The following SORBS2 variants were observed in gnomAD, a reference collection of about 807,000 sequenced individuals.
SORBS2 encodes the protein sorbin and SH3 domain containing 2.
Under a neutral mutation model 97.7 loss-of-function variants are expected in SORBS2, and 46 were observed. That is an observed-to-expected ratio of 0.47 (90% CI 0.37 to 0.60). The LOEUF (loss-of-function observed/expected upper bound fraction) is 0.60, where lower values mean the gene tolerates loss of function less well. Ranked by LOEUF, SORBS2 falls within the 20% of genes least tolerant of loss-of-function variation. SORBS2 has a pLI of 0.00. For synonymous variants in SORBS2, 476 were observed against 473.4 expected (o/e 1.01, Z -0.07); for missense variants, 1,316 against 1,282.3 (o/e 1.03, Z -0.40).
At chr4:185,906,421 C>T (rs1488271362) in intron 1 of SORBS2, among the ~76,000 whole-genome samples, 1 of 152,140 alleles carries the variant, frequency 6.6e-6, no homozygotes, top group African/African-American at 2.4e-5. Context: ...TTATTTATTT[C>T]TCAAAGTTTT....
chr4:185,701,880 C>T (rs1289399308), intron 2 of SORBS2, among the ~76,000 whole-genome samples: 1 of 152,058 alleles, frequency 6.6e-6, no homozygotes, highest in African/African-American at 2.4e-5. Context: ...AAGTGATTCC[C>T]CTGCCTCAGC....
At chr4:185,707,874 C>T (rs1257573983) in intron 2 of SORBS2, among the ~76,000 whole-genome samples, 1 of 152,170 alleles carries the variant, frequency 6.6e-6, no homozygotes, top group Non-Finnish European at 1.5e-5. Context: ...CACTTACCTC[C>T]CACCGGATCC....
intron 1 of SORBS2, among the ~76,000 whole-genome samples, chr4:185,930,248 A>C (rs1171382409): frequency 3.3e-5 from 5 of 152,286 alleles, no homozygotes; most frequent in African/African-American, 1.2e-4. Context: ...GTTAGTGAAT[A>C]AAACTTGTAT....
Position 185,606,998 on chromosome 4 carries a change from G to C in SORBS2, c.2796+4782C>G. 1 of 1,002,498 alleles carries C rather than the reference G, an allele frequency of 1.0e-6. No homozygotes were observed. The highest frequency in any genetic ancestry group is 1.2e-6 in the Non-Finnish European group (1 of 840,018). The allele number at this position is 1,002,498 out of a possible 1,614,324, so 62.1% of individuals were successfully genotyped here. ...CTGGGATCCTGAAGAGGCTCTGCAT[G>C]GTAAGGCTGGGCTGCAGCCGAGGCC... is the stretch of plus-strand genomic sequence containing the variant. On this transcript the variant is annotated intron_variant, in intron 12 of 14. Coordinates refer to ENST00000418609, the Ensembl canonical transcript of SORBS2. The surrounding 1 kb of genome is among the most constrained non-coding windows in gnomAD (Gnocchi z 4.3).
chr4:185,904,896 G>A (rs947510548), intron 1 of SORBS2, among the ~76,000 whole-genome samples: 1 of 152,082 alleles, frequency 6.6e-6, no homozygotes, highest in African/African-American at 2.4e-5. Context: ...CCTGAGGTCG[G>A]GGGTTCGAGA....
intron 1 of SORBS2, among the ~76,000 whole-genome samples, chr4:185,939,926 T>C (rs999400436): frequency 6.6e-6 from 1 of 152,196 alleles, no homozygotes; most frequent in Non-Finnish European, 1.5e-5. Context: ...CTCCACCTTG[T>C]CAAATCCAGA....
intron 12 of SORBS2, among the ~76,000 whole-genome samples, chr4:185,605,335 T>A (rs527802959): frequency 6.6e-6 from 1 of 152,376 alleles, no homozygotes; most frequent in South Asian, 2.1e-4. Flanking sequence ...CAGAACGGAG[T>A]GCAGTGGCAC....
At chr4:185,865,587 CGT>C (rs77874311) in intron 1 of SORBS2, among the ~76,000 whole-genome samples, 27,904 of 152,078 alleles carry the variant, frequency 0.18, 3,473 homozygotes, top group East Asian at 0.55. Context: ...AACACGGAAA[CGT>C]ACAGAACACC....
At chr4:185,949,126 C>T (rs1186312773) in intron 1 of SORBS2, among the ~76,000 whole-genome samples, 1 of 151,878 alleles carries the variant, frequency 6.6e-6, no homozygotes, top group African/African-American at 2.4e-5. Context: ...ACTGAGGAAA[C>T]AGCACATATA....
intron 1 of SORBS2, among the ~76,000 whole-genome samples, chr4:185,807,823 T>G (rs2099163367): frequency 6.6e-6 from 1 of 152,218 alleles, no homozygotes; most frequent in African/African-American, 2.4e-5. Flanking sequence ...ATTGTTAGTT[T>G]GAGGAACTTC....
intron 1 of SORBS2, among the ~76,000 whole-genome samples, chr4:185,952,113 C>G (rs963229633): frequency 6.6e-6 from 1 of 151,884 alleles, no homozygotes; most frequent in African/African-American, 2.4e-5. Flanking sequence ...CAACCTTCAC[C>G]TCCCAGGTTG....
Position 185,938,389 on chromosome 4 carries a change from T to TACATACAC in SORBS2, c.-338+17806_-338+17807insGTGTATGT, listed in dbSNP as rs1554055086. ...TCTCACCCAGAAAAATGTAGACACA[T>TACATACAC]ACACACACACACACACACACACACA... On this transcript the variant is annotated intron_variant, in intron 1 of 20. Coordinates refer to the SORBS2 transcript ENST00000284776. Among the ~76,000 whole-genome samples, 8 of 136,522 alleles carry TACATACAC rather than the reference T, an allele frequency of 5.9e-5. No individual in the cohort carries two copies. The East Asian group carries it at 1.6e-3, about 27-fold the overall frequency. 89.6% of individuals were successfully genotyped at this position (136,522 alleles called of 152,430 possible).
chr4:185,887,714 A>G (rs1489867521), intron 1 of SORBS2, among the ~76,000 whole-genome samples: 4 of 152,166 alleles, frequency 2.6e-5, no homozygotes, highest in Admixed American at 2.6e-4. Context: ...GGGTGGTAGC[A>G]CCCTCCTACT....
At chr4:185,866,379 T>C (rs532202134) in intron 1 of SORBS2, among the ~76,000 whole-genome samples, 1 of 152,356 alleles carries the variant, frequency 6.6e-6, no homozygotes, top group African/African-American at 2.4e-5. Flanking sequence ...AATTAAACAC[T>C]TTGCCTTGGA....
intron 1 of SORBS2, among the ~76,000 whole-genome samples, chr4:185,855,752 G>A (rs762809934): frequency 4.6e-5 from 7 of 152,208 alleles, no homozygotes; most frequent in East Asian, 3.9e-4. Flanking sequence ...AACTTATTAC[G>A]CACCAAAGTC....
chr4:185,821,046 A>G (rs2099196514), intron 1 of SORBS2, among the ~76,000 whole-genome samples: 1 of 152,200 alleles, frequency 6.6e-6, no homozygotes, highest in African/African-American at 2.4e-5. Context: ...TCAGATTACT[A>G]AAGCACTGCC....
At chr4:185,868,595 T>C (rs2099228640) in intron 1 of SORBS2, among the ~76,000 whole-genome samples, 1 of 152,184 alleles carries the variant, frequency 6.6e-6, no homozygotes, top group South Asian at 2.1e-4. Context: ...CTCACCACTA[T>C]TTAATATCAT....
intron 1 of SORBS2, among the ~76,000 whole-genome samples, chr4:185,837,922 C>G (rs1286892360): frequency 6.6e-6 from 1 of 151,728 alleles, no homozygotes; most frequent in African/African-American, 2.4e-5. Context: ...GCCAGTCCCA[C>G]CTCTTCCACT....
intron 1 of SORBS2, among the ~76,000 whole-genome samples, chr4:185,790,273 G>C (rs539607081): frequency 6.6e-6 from 1 of 152,276 alleles, no homozygotes. Context: ...CCTGAGAGTA[G>C]CTAGCATTGG....
Sources: gnomAD v4.1 joint callset for allele counts (sites outside exome capture counted in the v4.1 genomes callset) on GRCh38, gnomAD v4.1.1 for gene constraint, Gnocchi (gnomAD v3.1) non-coding constraint, MANE v1.5 for transcripts, NCBI Gene and HGNC (gene_info 2026-07-23, HGNC 2026-07-21) for gene names.